MTOR: variants seen among roughly 807,000 people sequenced by gnomAD.
MTOR encodes the protein serine/threonine-protein kinase mTOR.
In MTOR, 70 loss-of-function variants were observed where a neutral mutation model predicts 319.8. That is an observed-to-expected ratio of 0.22 (90% CI 0.18 to 0.27). MTOR has a LOEUF of 0.27. Ranked by LOEUF, MTOR falls within the 10% of genes least tolerant of loss-of-function variation. The pLI, the probability that MTOR is intolerant of heterozygous loss-of-function variation, is 1.00. For synonymous variants in MTOR, 1,183 were observed against 1,211.4 expected, an observed-to-expected ratio of 0.98 and a Z score of 0.49; for missense variants, 1,890 against 3,274.4, an observed-to-expected ratio of 0.58 and a Z score of 10.32.
At chr1:11,186,197 TA>T (rs1263198754) in intron 28 of MTOR, among the ~76,000 whole-genome samples, 2 of 152,006 alleles carry the variant, frequency 1.3e-5, no homozygotes, top group Admixed American at 6.6e-5. Flanking sequence ...GATACACAAT[TA>T]AAACTAACAG....
chr1:11,160,037 G>C (rs148629329), intron 29 of MTOR, among the ~76,000 whole-genome samples: 2 of 151,860 alleles, frequency 1.3e-5, no homozygotes, highest in Non-Finnish European at 2.9e-5. Flanking sequence ...AAGCAATAAC[G>C]AACACAAAAA....
chr1:11,208,232 T>A (rs188271167), intron 25 of MTOR, among the ~76,000 whole-genome samples: 433 of 152,272 alleles, frequency 2.8e-3, no homozygotes, highest in Middle Eastern at 0.014. Context: ...AGTTACAAAA[T>A]CCCCAGAGGG....
intron 19 of MTOR, among the ~76,000 whole-genome samples, chr1:11,216,462 T>C (rs1037566484): frequency 6.6e-6 from 1 of 152,118 alleles, no homozygotes; most frequent in African/African-American, 2.4e-5. Flanking sequence ...AAGAACAGCC[T>C]GGGCAACATG....
chr1:11,117,677 G>A (rs1013994306), intron 49 of MTOR, among the ~76,000 whole-genome samples: 34 of 152,190 alleles, frequency 2.2e-4, no homozygotes, highest in African/African-American at 7.5e-4. Context: ...AATAGATGAC[G>A]ATAGCCCCTG....
intron 28 of MTOR, among the ~76,000 whole-genome samples, chr1:11,178,231 G>C (rs889569730): frequency 1.3e-5 from 2 of 152,176 alleles, no homozygotes; most frequent in Admixed American, 1.3e-4. Context: ...GAGGAATACT[G>C]CCCAGCGATG....
chr1:11,193,740 C>T (rs1222378234), intron 28 of MTOR: 3 of 1,614,010 alleles, frequency 1.9e-6, no homozygotes, highest in African/African-American at 1.3e-5. Context: ...CACCGGCTCT[C>T]CAGACAGCCA....
chr1:11,232,587 T>G (rs1421582287), intron 15 of MTOR, 59 bp from the exon 16 acceptor site: 1 of 1,483,694 alleles, frequency 6.7e-7, no homozygotes, highest in Non-Finnish European at 9.4e-7. Context: ...TAGAAAGTAT[T>G]TTGGAGGCCG....
At chr1:11,111,130 G>A in intron 54 of MTOR, 1 of 455,746 alleles carries the variant, frequency 2.2e-6, no homozygotes. Flanking sequence ...CCAATTTCTT[G>A]CCTGAAACAC....
chr1:11,212,675 A>G lies in MTOR; in HGVS notation c.3398+121T>C. On this transcript the variant is annotated intron_variant, in intron 22 of 57. Transcript: ENST00000361445. This position sits in a 1 kb window ranked among gnomAD's most constrained non-coding sequence, Gnocchi z 4.1. ...CATAAACCTGGGATATTTCTAGACT[A>G]AAATAATGTGAGTTGAAATAACAAA... is the stretch of plus-strand genomic sequence containing the variant. The G allele has an allele frequency of 1.8e-6, 2 of 1,102,316 alleles. No homozygotes were observed. The highest frequency in any genetic ancestry group is 3.0e-5 in the South Asian group (2 of 67,002). The allele number at this position is 1,102,316 out of a possible 1,614,324, so 68.3% of individuals were successfully genotyped here. A position where few individuals can be genotyped will look rare whatever the true frequency, so the allele number is the denominator to read the frequency against.
At chr1:11,223,944 C>T (rs993116009) in intron 19 of MTOR, among the ~76,000 whole-genome samples, 3 of 151,856 alleles carry the variant, frequency 2.0e-5, no homozygotes, top group Non-Finnish European at 4.4e-5. Flanking sequence ...GAGGGTGAGG[C>T]AGGAGAATCA....
At chr1:11,261,307 T>C (rs1027505576) in intron 1 of MTOR, among the ~76,000 whole-genome samples, 4 of 131,392 alleles carry the variant, frequency 3.0e-5, no homozygotes, top group African/African-American at 1.2e-4. Flanking sequence ...CTACTAAAAA[T>C]ACAAAAAAAA....
rs1642417860 is a variant in MTOR, at chr1:11,119,918, A to G, written c.6933+1328T>C. ...CCCCCATCGGATCCCAAAATCTGCA[A>G]TACTCAAGTGCCTTATATAAAATGG... is the stretch of plus-strand genomic sequence containing the variant. On this transcript the variant is annotated intron_variant, in intron 49 of 57. Coordinates refer to ENST00000361445, the MANE Select transcript of MTOR (RefSeq NM_004958.4). Among the ~76,000 whole-genome samples, 3 of 151,830 alleles carry G rather than the reference A, an allele frequency of 2.0e-5. No individual in the cohort carries two copies. In the South Asian group the frequency reaches 6.2e-4, roughly 32 times the overall value.
intron 31 of MTOR, among the ~76,000 whole-genome samples, chr1:11,147,396 G>C (rs1407329687): frequency 6.6e-6 from 1 of 152,162 alleles, no homozygotes; most frequent in African/African-American, 2.4e-5. Flanking sequence ...TTAGACAGGG[G>C]AAATAGCTGC....
chr1:11,107,050 T>C lies in MTOR; in HGVS notation c.*435A>G, dbSNP rs1451641808. 7.3e-7 allele frequency: 1 copy of C among 1,371,674 alleles called. No homozygotes were observed. The highest frequency in any genetic ancestry group is 9.6e-7 in the Non-Finnish European group (1 of 1,039,644). The allele number at this position is 1,371,674 out of a possible 1,614,324, so 85.0% of individuals were successfully genotyped here. On this transcript the variant is annotated 3_prime_UTR_variant, in exon 58 of 58. Coordinates refer to ENST00000361445, the MANE Select transcript of MTOR (RefSeq NM_004958.4). ...TCTTCTGTGTCTTTACAGTCTAGGA[T>C]CCTAATCCATGTTCTCCACGACCTG...
chr1:11,130,350 A>T (rs1179785323), intron 39 of MTOR, among the ~76,000 whole-genome samples, 179 bp downstream of exon 39: 1 of 152,226 alleles, frequency 6.6e-6, no homozygotes, highest in Non-Finnish European at 1.5e-5. Context: ...CCCCAAACAC[A>T]AATATTCACA....
At chr1:11,143,724 G>C (rs913933056) in intron 34 of MTOR, among the ~76,000 whole-genome samples, 1 of 152,128 alleles carries the variant, frequency 6.6e-6, no homozygotes, top group African/African-American at 2.4e-5. Context: ...AACTTCGATT[G>C]GTCTGAAGCG....
intron 2 of MTOR, 119 bp from the exon 3 acceptor site, chr1:11,258,712 AGAC>A (rs1485469592): frequency 1.5e-6 from 1 of 666,528 alleles, no homozygotes; most frequent in Non-Finnish European, 2.6e-6. Context: ...AAACCAAAGA[AGAC>A]AAGTTACTGC....
At chr1:11,189,717 TGAG>T (rs1360972149) in intron 28 of MTOR, 1 of 1,613,986 alleles carries the variant, frequency 6.2e-7, no homozygotes. Flanking sequence ...CCAACTGCTG[TGAG>T]GAGGTGAAGG....
chr1:11,180,390 A>C (rs572020051), intron 28 of MTOR, among the ~76,000 whole-genome samples: 2 of 152,346 alleles, frequency 1.3e-5, no homozygotes, highest in Admixed American at 1.3e-4. Flanking sequence ...TTTAGAATTA[A>C]GACAAAGAGT....
Sources: allele counts gnomAD v4.1 joint callset (sites outside exome capture counted in the v4.1 genomes callset), GRCh38; gene constraint gnomAD v4.1.1; non-coding constraint Gnocchi (gnomAD v3.1); transcripts MANE v1.5; gene names NCBI Gene and HGNC (gene_info 2026-07-23, HGNC 2026-07-21).